The following TESK2 variants were observed in gnomAD, a reference collection of about 807,000 sequenced individuals.
TESK2 encodes the protein dual specificity testis-specific protein kinase 2.
A neutral mutation model predicts 57.1 loss-of-function variants in TESK2; 39 were observed. The observed-to-expected ratio is 0.68, with a 90% CI of 0.53 to 0.89. The LOEUF (loss-of-function observed/expected upper bound fraction) is 0.89. TESK2 is among the 40% of genes least tolerant of loss of function. The pLI is 0.00. For missense variants in TESK2, 646 were observed against 732.1 expected (o/e 0.88, Z 1.36); for synonymous variants, 249 against 267.9 (o/e 0.93, Z 0.69).
chr1:45,379,731 G>A (rs1648572487), intron 4 of TESK2, among the ~76,000 whole-genome samples: 1 of 152,198 alleles, frequency 6.6e-6, no homozygotes, highest in South Asian at 2.1e-4. Flanking sequence ...ATAGCCTTTA[G>A]CTAAAAGCAT....
intron 3 of TESK2, among the ~76,000 whole-genome samples, chr1:45,417,327 G>A (rs1650285216): frequency 1.3e-5 from 2 of 151,838 alleles, no homozygotes; most frequent in Admixed American, 1.3e-4. Flanking sequence ...TGCCTCCCAG[G>A]TTCAAGTGAT....
At chr1:45,431,865 TG>T (rs1481743654) in intron 2 of TESK2, among the ~76,000 whole-genome samples, 1 of 152,150 alleles carries the variant, frequency 6.6e-6, no homozygotes, top group Non-Finnish European at 1.5e-5. Context: ...GGTGAGAAAC[TG>T]GGTTTGGCTC....
rs1051147370 is a variant in TESK2 at position 45,357,258 on chromosome 1, T to C, written c.394-1809A>G. On this transcript the variant is annotated intron_variant, in intron 4 of 10. Coordinates refer to ENST00000372086, the MANE Select transcript of TESK2 (RefSeq NM_007170.3). ...ATAAATAAATGTATGTATGTATGTATGTATGTTCAGAAGGACAATGACATT... is the reference window on the plus strand; with the variant it reads ...ATAAATAAATGTATGTATGTATGTACGTATGTTCAGAAGGACAATGACATT... Among the ~76,000 whole-genome samples the C allele has an allele frequency of 6.3e-4, 95 of 151,728 alleles. 1 individual carries two copies. The highest frequency in any genetic ancestry group is 4.4e-5 in the Non-Finnish European group (3 of 67,914).
chr1:45,373,012 G>A (rs1173978602), intron 4 of TESK2, among the ~76,000 whole-genome samples: 2 of 136,088 alleles, frequency 1.5e-5, no homozygotes, highest in Non-Finnish European at 3.1e-5. Context: ...TGGGCAACAA[G>A]AGCGAATCTC....
At chr1:45,466,606 C>T (rs1463656710) in intron 1 of TESK2, among the ~76,000 whole-genome samples, 5 of 151,086 alleles carry the variant, frequency 3.3e-5, no homozygotes, top group Admixed American at 2.6e-4. Flanking sequence ...GCCATGACCA[C>T]ACCACTGCAC....
chr1:45,363,408 C>T (rs1647776546), intron 4 of TESK2, among the ~76,000 whole-genome samples: 1 of 152,150 alleles, frequency 6.6e-6, no homozygotes, highest in Non-Finnish European at 1.5e-5. Flanking sequence ...AACCTGAAGC[C>T]ACTCTCCTGT....
chr1:45,435,740 T>G (rs1370425479), intron 2 of TESK2, among the ~76,000 whole-genome samples: 1 of 151,624 alleles, frequency 6.6e-6, no homozygotes, highest in Non-Finnish European at 1.5e-5. Flanking sequence ...TATTTTATTT[T>G]ATTTTATTAT....
intron 1 of TESK2, among the ~76,000 whole-genome samples, chr1:45,460,138 T>A (rs1652272934): frequency 8.8e-6 from 1 of 114,194 alleles, no homozygotes; most frequent in African/African-American, 3.4e-5. Context: ...TCAACAGAAG[T>A]CCAAACCTCA....
intron 3 of TESK2, among the ~76,000 whole-genome samples, chr1:45,390,023 C>T (rs1649071035): frequency 6.6e-6 from 1 of 152,196 alleles, no homozygotes; most frequent in South Asian, 2.1e-4. Context: ...TCCACTCCAA[C>T]TTATCTTTGA....
chr1:45,393,560 G>A (rs1272008918), intron 3 of TESK2, among the ~76,000 whole-genome samples: 3 of 152,136 alleles, frequency 2.0e-5, no homozygotes, highest in Admixed American at 6.6e-5. Flanking sequence ...GGCCAACATG[G>A]TGAAACCCCA....
intron 9 of TESK2, 46 bp downstream of exon 9, chr1:45,346,647 G>A: frequency 6.5e-7 from 1 of 1,532,332 alleles, no homozygotes; most frequent in Non-Finnish European, 9.0e-7. Context: ...AGGTGAAAAG[G>A]GTTCAGCCAG....
intron 1 of TESK2, among the ~76,000 whole-genome samples, chr1:45,479,630 C>G (rs1322178912): frequency 6.6e-6 from 1 of 151,524 alleles, no homozygotes; most frequent in Non-Finnish European, 1.5e-5. Flanking sequence ...TTATTTAATT[C>G]AGAGGAAGAG....
At position 45,347,048 on chromosome 1, in the gene TESK2, A is replaced by G; in HGVS notation, c.723T>C (p.Ser241=). 1 of 1,614,218 alleles carries G rather than the reference A, an allele frequency of 6.2e-7. No individual in the cohort carries two copies. Residue 241 remains serine (S), a synonymous_variant, in exon 8 of 11, where the codon TCT becomes TCC. Coordinates refer to ENST00000372086, the MANE Select transcript of TESK2 (RefSeq NM_007170.3). ...EPYNEKADVF[S]YGIILCEIIA... The stretch of plus-strand genomic sequence containing the variant: ...TGATCTCGCAGAGGATGATACCATA[A>G]GAGAACACATCTGCCTGGTGGGTAG...
chr1:45,352,749 G>A (rs9429075), intron 5 of TESK2, among the ~76,000 whole-genome samples: 41,311 of 151,904 alleles, frequency 0.27, 5,905 homozygotes, highest in Admixed American at 0.4. Flanking sequence ...GTGTGTGTGT[G>A]GGGGGAGTAT....
chr1:45,352,986 T>C (rs1647276630), intron 5 of TESK2, among the ~76,000 whole-genome samples: 1 of 151,440 alleles, frequency 6.6e-6, no homozygotes, highest in Non-Finnish European at 1.5e-5. Flanking sequence ...ACAGCCACCA[T>C]CTCCTGGGTT....
chr1:45,431,143 G>C (rs899442849), intron 2 of TESK2, among the ~76,000 whole-genome samples: 2 of 152,352 alleles, frequency 1.3e-5, no homozygotes, highest in Non-Finnish European at 2.9e-5. Context: ...AAGAGGCCGG[G>C]CACAGTGGCT....
rs78823887 is a variant in TESK2 at position 45,362,072 on chromosome 1, G to A, written c.394-6623C>T. Among the ~76,000 whole-genome samples, 1,373 of 152,280 alleles carry A rather than the reference G, an allele frequency of 9.0e-3. 14 individuals are homozygous for A. Among genetic ancestry groups the A allele is most frequent in the Non-Finnish European group, 0.014 (935 of 68,018 alleles). Reference sequence around the variant, plus strand: ...TCTTTAGTCCCTTCCACTATGTAAGGACACAACAAAAAGACAGGCATTTAT... The same window carrying A: ...TCTTTAGTCCCTTCCACTATGTAAGAACACAACAAAAAGACAGGCATTTAT... On this transcript the variant is annotated intron_variant, in intron 4 of 10. Coordinates refer to ENST00000372086, the MANE Select transcript of TESK2 (RefSeq NM_007170.3).
intron 3 of TESK2, among the ~76,000 whole-genome samples, chr1:45,388,259 AAATTG>A (rs1648980920): frequency 6.6e-6 from 1 of 152,224 alleles, no homozygotes; most frequent in South Asian, 2.1e-4. Context: ...GAATGTGGTT[AAATTG>A]TATACATGAA....
At chr1:45,396,316 G>T (rs903007935) in intron 3 of TESK2, among the ~76,000 whole-genome samples, 6 of 151,476 alleles carry the variant, frequency 4.0e-5, no homozygotes, top group African/African-American at 1.5e-4. Context: ...GGCTGGTCTT[G>T]AACTCCTGAC....
Sources: allele counts gnomAD v4.1 joint callset (sites outside exome capture counted in the v4.1 genomes callset), GRCh38; gene constraint gnomAD v4.1.1; transcripts MANE v1.5; gene names NCBI Gene and HGNC (gene_info 2026-07-23, HGNC 2026-07-21).